ARHGAP18: variants seen among roughly 807,000 people sequenced by gnomAD.
The protein encoded by ARHGAP18 is rho GTPase-activating protein 18.
A neutral mutation model predicts 86.2 loss-of-function variants in ARHGAP18; 67 were observed. That is an observed-to-expected ratio of 0.78 (90% CI 0.64 to 0.95). The LOEUF is 0.95. Ranked by LOEUF, ARHGAP18 falls within the 40% of genes least tolerant of loss-of-function variation. The probability of loss-of-function intolerance (pLI) is 0.00; values close to 1 mark genes in which losing one functional copy is unlikely to be tolerated. For missense variants in ARHGAP18, 691 were observed against 780.4 expected, an observed-to-expected ratio of 0.89 and a Z score of 1.37; for synonymous variants, 283 against 280.4, an observed-to-expected ratio of 1.01 and a Z score of -0.09.
chr6:129,649,144 T>TA (rs1773648774), intron 1 of ARHGAP18, among the ~76,000 whole-genome samples: 1 of 152,230 alleles, frequency 6.6e-6, no homozygotes. Context: ...GCTATAGTCT[T>TA]AAGGATGTAC....
At chr6:129,592,514 T>C (rs1788537662) in intron 12 of ARHGAP18, among the ~76,000 whole-genome samples, 1 of 152,224 alleles carries the variant, frequency 6.6e-6, no homozygotes, top group Admixed American at 6.5e-5. Context: ...CTTGAGTTCC[T>C]CCCTGGTAAA....
chr6:129,634,556 C>G lies in ARHGAP18; in HGVS notation c.553-451G>C, dbSNP rs576068768. On this transcript the variant is annotated intron_variant, in intron 3 of 14. Transcript: ENST00000368149. ...AAAATACTATGCTAAGTGAAAGGAACCAGTCACAAAGAGCCACATATTCTA... is the reference window on the plus strand; with the variant it reads ...AAAATACTATGCTAAGTGAAAGGAAGCAGTCACAAAGAGCCACATATTCTA... Among the ~76,000 whole-genome samples, 17 of 152,030 alleles carry G rather than the reference C, an allele frequency of 1.1e-4. 1 individual carries two copies. In the South Asian group the frequency reaches 3.3e-3, roughly 30 times the overall value.
intron 1 of ARHGAP18, among the ~76,000 whole-genome samples, chr6:129,705,258 T>A (rs1007518658): frequency 1.3e-5 from 2 of 152,166 alleles, no homozygotes; most frequent in African/African-American, 4.8e-5. Flanking sequence ...CATGAACAAG[T>A]CAAGAACTGA....
chr6:129,668,362 T>TCACACACACAAACACACACA lies in ARHGAP18; in HGVS notation c.114-26345_114-26344insTGTGTGTGTTTGTGTGTGTG, dbSNP rs748770270. Among the ~76,000 whole-genome samples the TCACACACACAAACACACACA allele has an allele frequency of 5.0e-4, 69 of 137,840 alleles. 1 individual carries two copies. The Admixed American group carries it at 5.0e-3, about 10-fold the overall frequency. The allele number at this position is 137,840 out of a possible 152,430, so 90.4% of individuals were successfully genotyped here. The stretch of plus-strand genomic sequence containing the variant: ...CCAAACCATCAATTTACCCAAATAA[T>TCACACACACAAACACACACA]CACACACACACACACACACACACAC... On this transcript the variant is annotated intron_variant, in intron 1 of 14. Transcript: ENST00000368149.
intron 1 of ARHGAP18, among the ~76,000 whole-genome samples, chr6:129,646,093 G>T (rs1403938415): frequency 6.6e-6 from 1 of 152,088 alleles, no homozygotes; most frequent in Non-Finnish European, 1.5e-5. Flanking sequence ...TTATACTGAG[G>T]TCAGCTAGAA....
intron 5 of ARHGAP18, among the ~76,000 whole-genome samples, chr6:129,623,187 CT>C (rs1035856931): frequency 3.2e-4 from 48 of 152,074 alleles, no homozygotes; most frequent in African/African-American, 1.2e-3. Flanking sequence ...ATAAACTTGA[CT>C]TTTTTACTCA....
intron 8 of ARHGAP18, among the ~76,000 whole-genome samples, chr6:129,608,761 TA>T (rs1788912964): frequency 6.6e-6 from 1 of 152,218 alleles, no homozygotes; most frequent in Non-Finnish European, 1.5e-5. Flanking sequence ...TTACTATATA[TA>T]AATCCTATCA....
intron 1 of ARHGAP18, among the ~76,000 whole-genome samples, chr6:129,645,473 G>A (rs1773558820): frequency 6.6e-6 from 1 of 152,120 alleles, no homozygotes; most frequent in African/African-American, 2.4e-5. Context: ...TGAAATCAAA[G>A]AAACACACAG....
chr6:129,650,143 C>G (rs920829038), intron 1 of ARHGAP18, among the ~76,000 whole-genome samples: 10 of 149,370 alleles, frequency 6.7e-5, no homozygotes, highest in African/African-American at 2.5e-4. Context: ...AGGCTGGTCT[C>G]GAACTCCCGA....
chr6:129,671,041 GAC>G lies in ARHGAP18; in HGVS notation c.114-29025_114-29024del, dbSNP rs1301244366. Among the ~76,000 whole-genome samples, 4 of 152,198 alleles carry G rather than the reference GAC, an allele frequency of 2.6e-5. No homozygotes were observed. In the South Asian group the frequency reaches 8.3e-4, roughly 32 times the overall value. ...GAGATGTCAGGAGTTAGAAGCCATG[GAC>G]ACCCTCTAGTTCAGTGGCTGTCAAC... On this transcript the variant is annotated intron_variant, in intron 1 of 14. Coordinates refer to ENST00000368149, the MANE Select transcript of ARHGAP18 (RefSeq NM_033515.3).
rs552971600 is a variant in ARHGAP18, at chr6:129,655,123, C to T, written c.114-13105G>A. 1.3e-4 allele frequency among the ~76,000 whole-genome samples: 20 copies of T among 152,084 alleles called. No individual in the cohort carries two copies. In the South Asian group the frequency reaches 4.2e-3, roughly 32 times the overall value. On this transcript the variant is annotated intron_variant, in intron 1 of 14. Coordinates refer to ENST00000368149, the MANE Select transcript of ARHGAP18 (RefSeq NM_033515.3). The stretch of plus-strand genomic sequence containing the variant: ...ATCACCTGAGCTCAGGAGTTCGAGA[C>T]CAGCCTGACCAACATGGAGAAACCC...
At chr6:129,587,446 T>C (rs189427896) in intron 12 of ARHGAP18, among the ~76,000 whole-genome samples, 1 of 152,210 alleles carries the variant, frequency 6.6e-6, no homozygotes, top group Non-Finnish European at 1.5e-5. Flanking sequence ...AAGAGCTGAA[T>C]GTATTAGTCT....
At chr6:129,672,923 TAGTCA>T (rs993430406) in intron 1 of ARHGAP18, among the ~76,000 whole-genome samples, 44 of 152,206 alleles carry the variant, frequency 2.9e-4, no homozygotes, top group Middle Eastern at 3.2e-3. Context: ...ACAGATTACC[TAGTCA>T]AGTCATTTTA....
At chr6:129,604,155 G>A (rs970588479) in intron 10 of ARHGAP18, among the ~76,000 whole-genome samples, 1 of 151,806 alleles carries the variant, frequency 6.6e-6, no homozygotes, top group Non-Finnish European at 1.5e-5. Flanking sequence ...AAGTAAACAT[G>A]TAAAATTACT....
At chr6:129,630,891 T>G (rs1773190201) in intron 4 of ARHGAP18, among the ~76,000 whole-genome samples, 1 of 152,180 alleles carries the variant, frequency 6.6e-6, no homozygotes, top group African/African-American at 2.4e-5. Flanking sequence ...GTTAAGAAAG[T>G]AAGAATTTAC....
intron 1 of ARHGAP18, among the ~76,000 whole-genome samples, chr6:129,688,966 T>C (rs1484648269): frequency 1.3e-5 from 2 of 152,192 alleles, no homozygotes; most frequent in Non-Finnish European, 2.9e-5. Context: ...TCCTGTCTCC[T>C]TGAGAATCTC....
intron 1 of ARHGAP18, among the ~76,000 whole-genome samples, chr6:129,681,622 T>G (rs1416203722): frequency 2.0e-5 from 3 of 152,250 alleles, no homozygotes; most frequent in Admixed American, 2.0e-4. Context: ...ATTTGAGCTA[T>G]TAACTTTTTT....
intron 1 of ARHGAP18, among the ~76,000 whole-genome samples, chr6:129,650,228 T>G (rs1773681033): frequency 6.6e-6 from 1 of 151,942 alleles, no homozygotes; most frequent in South Asian, 2.1e-4. Context: ...CTTGCCTCAC[T>G]CTACTTCTTG....
rs150348890 is a variant in ARHGAP18 at position 129,687,878 on chromosome 6, C to T, written c.113+22146G>A. Among the ~76,000 whole-genome samples, 18 of 152,246 alleles carry T rather than the reference C, an allele frequency of 1.2e-4. No homozygotes were observed. The East Asian group carries it at 2.3e-3, about 20-fold the overall frequency. On this transcript the variant is annotated intron_variant, in intron 1 of 14. Coordinates refer to ENST00000368149, the MANE Select transcript of ARHGAP18 (RefSeq NM_033515.3). ...ACTGAGGCACAGAGATGTTTTGTAA[C>T]TCACCCACGGTCAGTTAACCAATAA...
Sources: gnomAD v4.1 joint callset for allele counts (sites outside exome capture counted in the v4.1 genomes callset) on GRCh38, gnomAD v4.1.1 for gene constraint, MANE v1.5 for transcripts, NCBI Gene and HGNC (gene_info 2026-07-23, HGNC 2026-07-21) for gene names.